TMEM41B: variants seen among roughly 807,000 people sequenced by gnomAD.
TMEM41B encodes the protein protein stasimon.
Under a neutral mutation model 31.9 loss-of-function variants are expected in TMEM41B, and 18 were observed. The ratio of observed to expected loss-of-function variants is 0.56; its 90% CI spans 0.39 to 0.84. TMEM41B has a LOEUF of 0.84. TMEM41B is among the 40% of genes least tolerant of loss of function. The pLI is 0.00. For missense variants in TMEM41B, 322 were observed against 348.0 expected (o/e 0.93, Z 0.59); for synonymous variants, 144 against 124.3 (o/e 1.16, Z -1.05).
chr11:9,288,166 C>T (rs892437298), intron 4 of TMEM41B: 25 of 322,236 alleles, frequency 7.8e-5, no homozygotes, highest in Non-Finnish European at 1.3e-4. Context: ...TGGGACTTAA[C>T]TCATTGTGCT....
Position 9,283,480 on chromosome 11 carries a change from C to A in TMEM41B, c.820G>T (p.Val274Phe). 2 of 1,611,668 alleles carry A rather than the reference C, an allele frequency of 1.2e-6. No individual in the cohort carries two copies. Among genetic ancestry groups the A allele is most frequent in the Non-Finnish European group, 1.7e-6 (2 of 1,179,400 alleles). The stretch of plus-strand genomic sequence containing the variant: ...AAGATGGCTGGCAGAATAGAAAGAA[C>A]AGCCAAGATCATCAGAATAAATATT... Reference protein sequence around the residue: ...NSIFILMILAVLSILPAIFQK... With the variant: ...NSIFILMILAFLSILPAIFQK... The change falls in exon 7 of 7, where the codon GTT becomes TTT. Residue 274 changes from valine (V) to phenylalanine (F), a missense_variant. Physicochemically the swap from Val to Phe is conservative, Grantham distance 50. Around this residue, in one of 3 missense-constraint regions of TMEM41B, gnomAD observed 92 missense variants for 88.0 expected, o/e 1.05. Coordinates refer to ENST00000528080, the MANE Select transcript of TMEM41B (RefSeq NM_015012.4).
chr11:9,310,030 T>C (rs781663491), intron 1 of TMEM41B, among the ~76,000 whole-genome samples: 1 of 151,028 alleles, frequency 6.6e-6, no homozygotes, highest in East Asian at 1.9e-4. Flanking sequence ...AAGTAATGTA[T>C]TATTATTATT....
At chr11:9,310,683 C>G (rs543219136) in intron 1 of TMEM41B, among the ~76,000 whole-genome samples, 1 of 119,580 alleles carries the variant, frequency 8.4e-6, no homozygotes, top group East Asian at 2.5e-4. Context: ...TTTTTTTAAC[C>G]AGGAGAAATA....
intron 2 of TMEM41B, among the ~76,000 whole-genome samples, chr11:9,296,967 G>A (rs1268104408): frequency 2.6e-5 from 4 of 152,114 alleles, no homozygotes; most frequent in African/African-American, 7.2e-5. Flanking sequence ...CACCCAGGCT[G>A]GATGGAGTGC....
intron 6 of TMEM41B, among the ~76,000 whole-genome samples, chr11:9,285,309 T>A (rs12796666): frequency 6.6e-6 from 1 of 152,064 alleles, no homozygotes; most frequent in African/African-American, 2.4e-5. Flanking sequence ...GGTCTCGAAC[T>A]CTTGACCTTG....
chr11:9,300,857 G>A (rs928179383), intron 1 of TMEM41B, among the ~76,000 whole-genome samples: 3 of 150,024 alleles, frequency 2.0e-5, no homozygotes, highest in Non-Finnish European at 4.4e-5. Flanking sequence ...CAGCCTGGGC[G>A]ACAAAGCAAG....
rs374661073 is a variant in TMEM41B at position 9,314,471 on chromosome 11, G to C, written c.-30C>G. 31 of 1,538,980 alleles carry C rather than the reference G, an allele frequency of 2.0e-5. No homozygotes were observed. The highest frequency in any genetic ancestry group is 2.6e-5 in the Non-Finnish European group (30 of 1,140,190). ...GCTGCAAGGTGAAGGGAGCGGTGCG[G>C]TGCCGCGCCCCCTAAACAACAAAAC... is the stretch of plus-strand genomic sequence containing the variant. On this transcript the variant is annotated 5_prime_UTR_variant, in exon 1 of 7. Transcript: ENST00000528080.
At chr11:9,309,484 G>A (rs971497624) in intron 1 of TMEM41B, among the ~76,000 whole-genome samples, 8 of 126,456 alleles carry the variant, frequency 6.3e-5, no homozygotes, top group Admixed American at 4.7e-4. Context: ...CAGCTGCCAA[G>A]TCTAGTCTTA....
At chr11:9,292,522 A>G (rs930837964) in intron 3 of TMEM41B, among the ~76,000 whole-genome samples, 3 of 152,146 alleles carry the variant, frequency 2.0e-5, no homozygotes, top group Non-Finnish European at 4.4e-5. Flanking sequence ...TATGATGACT[A>G]AAAACAGTTT....
Position 9,283,133 on chromosome 11 carries a change from C to A in TMEM41B, c.*291G>T, listed in dbSNP as rs1191085794. Reference sequence around the variant, plus strand: ...AAATTGAATGAATTAGCTGGATCAACAATTTCCTACCACACTACTATTATC... The same window carrying A: ...AAATTGAATGAATTAGCTGGATCAAAAATTTCCTACCACACTACTATTATC... On this transcript the variant is annotated 3_prime_UTR_variant, in exon 7 of 7. Coordinates refer to ENST00000528080, the MANE Select transcript of TMEM41B (RefSeq NM_015012.4). 1.0e-5 allele frequency: 2 copies of A among 198,816 alleles called. No individual in the cohort carries two copies. Among genetic ancestry groups the A allele is most frequent in the Admixed American group, 6.0e-5 (1 of 16,736 alleles). The allele number at this position is 198,816 out of a possible 1,614,324, so 12.3% of individuals were successfully genotyped here. A position where few individuals can be genotyped will look rare whatever the true frequency, so the allele number is the denominator to read the frequency against.
intron 1 of TMEM41B, among the ~76,000 whole-genome samples, chr11:9,300,268 C>A (rs749726876): frequency 1.3e-4 from 20 of 151,876 alleles, no homozygotes; most frequent in Non-Finnish European, 2.5e-4. Context: ...TATTGATAAG[C>A]CAAAGGGGAA....
chr11:9,294,869 T>G (rs1454128186), intron 3 of TMEM41B, among the ~76,000 whole-genome samples: 1 of 152,054 alleles, frequency 6.6e-6, no homozygotes, highest in South Asian at 2.1e-4. Context: ...AAATTATACC[T>G]CCAAACCTAA....
At chr11:9,299,356 A>G (rs1853188505) in intron 2 of TMEM41B, among the ~76,000 whole-genome samples, 1 of 139,658 alleles carries the variant, frequency 7.2e-6, no homozygotes, top group Non-Finnish European at 1.5e-5. Context: ...GTGTGTGTAT[A>G]TAAATATATT....
intron 5 of TMEM41B, 29 bp downstream of exon 5, chr11:9,287,673 C>G (rs765519974): frequency 6.7e-7 from 1 of 1,502,340 alleles, no homozygotes; most frequent in East Asian, 2.3e-5. Context: ...CAAAGAGTTA[C>G]ATCAAATAAT....
intron 1 of TMEM41B, among the ~76,000 whole-genome samples, chr11:9,301,110 A>C (rs1853244663): frequency 6.6e-6 from 1 of 152,080 alleles, no homozygotes; most frequent in Non-Finnish European, 1.5e-5. Context: ...TATGTATACT[A>C]TATGGCCCGG....
intron 4 of TMEM41B, 51 bp from the exon 5 acceptor site, chr11:9,287,857 C>T (rs761199307): frequency 4.4e-6 from 6 of 1,378,048 alleles, no homozygotes; most frequent in Admixed American, 3.8e-5. Context: ...GTCTTACTCA[C>T]ATTGATTTAT....
At position 9,314,312 on chromosome 11, in the gene TMEM41B, C is replaced by T. The variant is rs771854546; in HGVS notation, c.121+9G>A. 1.3e-6 allele frequency: 2 copies of T among 1,596,810 alleles called. No individual in the cohort carries two copies. The highest frequency in any genetic ancestry group is 1.7e-5 in the Admixed American group (1 of 59,612). On this transcript the variant is annotated intron_variant, in intron 1 of 6. Coordinates refer to ENST00000528080, the MANE Select transcript of TMEM41B (RefSeq NM_015012.4). ...GCCACCCCCAGCTCTGCTCCCCGGGCCCACTCACCCTTCTGGTGGTCTCTG... is the reference window on the plus strand; with the variant it reads ...GCCACCCCCAGCTCTGCTCCCCGGGTCCACTCACCCTTCTGGTGGTCTCTG...
chr11:9,292,103 G>A (rs1219363762), intron 3 of TMEM41B, among the ~76,000 whole-genome samples: 1 of 152,164 alleles, frequency 6.6e-6, no homozygotes, highest in African/African-American at 2.4e-5. Context: ...TCAGAATCTA[G>A]AAGTCCACAC....
chr11:9,312,903 C>CAAAAAAA (rs36030741), intron 1 of TMEM41B, among the ~76,000 whole-genome samples: 3 of 95,312 alleles, frequency 3.1e-5, no homozygotes, highest in Admixed American at 1.2e-4. Flanking sequence ...GACTCCGTCT[C>CAAAAAAA]AAAAAAAAAA....
Sources: allele counts gnomAD v4.1 joint callset (sites outside exome capture counted in the v4.1 genomes callset), GRCh38; gene constraint gnomAD v4.1.1; regional missense constraint gnomAD v4.1.1; transcripts MANE v1.5; gene names NCBI Gene and HGNC (gene_info 2026-07-23, HGNC 2026-07-21).